Variants in RBFOX1 observed in about 807,000 individuals in gnomAD.
RBFOX1 encodes RNA binding fox-1 homolog 1, also known as RNA binding protein fox-1 homolog 1.
Under a neutral mutation model 57.7 loss-of-function variants are expected in RBFOX1, and 8 were observed. The ratio of observed to expected loss-of-function variants is 0.14; its 90% CI spans 0.08 to 0.25. RBFOX1 has a LOEUF of 0.25. RBFOX1 is among the 10% of genes least tolerant of loss of function. RBFOX1 has a pLI of 1.00. For missense variants in RBFOX1, 611 were observed against 548.5 expected (o/e 1.11, Z -1.14); for synonymous variants, 326 against 222.4 (o/e 1.47, Z -4.15).
At chr16:7,681,620 C>T (rs778169824) in intron 14 of RBFOX1, among the ~76,000 whole-genome samples, 25 of 152,048 alleles carry the variant, frequency 1.6e-4, no homozygotes, top group Non-Finnish European at 3.2e-4. Flanking sequence ...AGTATATGAG[C>T]ATCCTGAATA....
intron 3 of RBFOX1, among the ~76,000 whole-genome samples, chr16:5,828,652 T>C (rs1165309856): frequency 2.6e-5 from 4 of 151,730 alleles, no homozygotes; most frequent in Non-Finnish European, 5.9e-5. Flanking sequence ...TGAGCCGAGA[T>C]CATGCTACTG....
intron 2 of RBFOX1, among the ~76,000 whole-genome samples, chr16:5,589,945 G>T (rs1194460526): frequency 6.6e-6 from 1 of 152,086 alleles, no homozygotes; most frequent in African/African-American, 2.4e-5. Context: ...TGGTACCAGG[G>T]TCTCCCCTGT....
At chr16:6,747,147 C>T (rs1285488135) in intron 3 of RBFOX1, among the ~76,000 whole-genome samples, 1 of 152,150 alleles carries the variant, frequency 6.6e-6, no homozygotes, top group Non-Finnish European at 1.5e-5. Flanking sequence ...CAGTGGCTCA[C>T]GCCTATAATC....
chr16:5,845,419 C>T (rs564621175), intron 3 of RBFOX1, among the ~76,000 whole-genome samples: 4 of 152,262 alleles, frequency 2.6e-5, no homozygotes, highest in African/African-American at 4.8e-5. Flanking sequence ...TATTGGTCTC[C>T]AGCCTTTCTT....
At position 6,665,895 on chromosome 16, in the gene RBFOX1, C is replaced by A. The variant is rs923402843; in HGVS notation, c.-16+11245C>A. 4.6e-5 allele frequency among the ~76,000 whole-genome samples: 7 copies of A among 151,948 alleles called. 1 individual carries two copies. The highest frequency in any genetic ancestry group is 3.9e-4 in the Admixed American group (6 of 15,272). ...TGATATGGTTTGACCACGTCCCCAC[C>A]CAAATCTCATCTTGAATTGGAGCTC... On this transcript the variant is annotated intron_variant, in intron 3 of 15. Transcript: ENST00000550418.
At chr16:5,479,061 C>G (rs987198003) in intron 2 of RBFOX1, among the ~76,000 whole-genome samples, 1 of 152,148 alleles carries the variant, frequency 6.6e-6, no homozygotes, top group Non-Finnish European at 1.5e-5. Context: ...CCATCTGTTC[C>G]CTTCCAGGAC....
chr16:7,049,004 C>G (rs1219660449), intron 3 of RBFOX1, among the ~76,000 whole-genome samples: 1 of 152,048 alleles, frequency 6.6e-6, no homozygotes, highest in Admixed American at 6.6e-5. Flanking sequence ...GTAGTCTATT[C>G]CTTAGTTCAA....
intron 1 of RBFOX1, among the ~76,000 whole-genome samples, chr16:6,257,234 G>A (rs1483377078): frequency 2.6e-5 from 4 of 152,162 alleles, no homozygotes; most frequent in African/African-American, 7.2e-5. Flanking sequence ...AGCCCTGCAT[G>A]TGCTAGCTAT....
chr16:5,974,812 C>G (rs577501183), intron 4 of RBFOX1, among the ~76,000 whole-genome samples: 1 of 152,024 alleles, frequency 6.6e-6, no homozygotes. Context: ...AGTTCCAGAC[C>G]AGCCTGACCA....
chr16:5,917,983 C>A (rs1254771305), intron 4 of RBFOX1, among the ~76,000 whole-genome samples: 2 of 152,164 alleles, frequency 1.3e-5, no homozygotes, highest in African/African-American at 4.8e-5. Flanking sequence ...ATGCTCTCCC[C>A]ACCTCTCAGA....
At chr16:5,833,972 A>C (rs2056369320) in intron 3 of RBFOX1, among the ~76,000 whole-genome samples, 1 of 152,180 alleles carries the variant, frequency 6.6e-6, no homozygotes, top group Non-Finnish European at 1.5e-5. Flanking sequence ...CCTAAAACTT[A>C]ATTGACCTGA....
intron 1 of RBFOX1, among the ~76,000 whole-genome samples, chr16:6,178,697 C>G (rs1369504312): frequency 1.3e-5 from 2 of 152,072 alleles, no homozygotes; most frequent in East Asian, 3.9e-4. Flanking sequence ...TCTAGTCTAC[C>G]TTCTCATCTC....
intron 4 of RBFOX1, among the ~76,000 whole-genome samples, chr16:7,096,261 C>G (rs1387360821): frequency 6.6e-6 from 1 of 152,074 alleles, no homozygotes; most frequent in Non-Finnish European, 1.5e-5. Context: ...AGTGGAGACT[C>G]AAAGGGGATA....
intron 10 of RBFOX1, among the ~76,000 whole-genome samples, chr16:7,618,896 G>T (rs2141925956): frequency 6.6e-6 from 1 of 152,208 alleles, no homozygotes; most frequent in South Asian, 2.1e-4. Context: ...CGACATATTG[G>T]TTTATGAAAA....
intron 2 of RBFOX1, among the ~76,000 whole-genome samples, chr16:6,326,625 A>G (rs1276341932): frequency 6.6e-6 from 1 of 152,306 alleles, no homozygotes; most frequent in South Asian, 2.1e-4. Context: ...AGACTCTCCC[A>G]CCAAGTCCAT....
chr16:6,738,024 G>A (rs11646988), intron 3 of RBFOX1, among the ~76,000 whole-genome samples: 39,600 of 149,262 alleles, frequency 0.27, 5,936 homozygotes, highest in Non-Finnish European at 0.35. Context: ...ATGTGTGTCT[G>A]CAACAGAAAA....
chr16:7,207,379 C>T (rs1054530266), intron 4 of RBFOX1, among the ~76,000 whole-genome samples: 1 of 152,106 alleles, frequency 6.6e-6, no homozygotes, highest in Non-Finnish European at 1.5e-5. Context: ...ATCTTTATTT[C>T]TCTCTCCGTT....
intron 1 of RBFOX1, among the ~76,000 whole-genome samples, chr16:6,041,557 C>G (rs541371759): frequency 7.0e-4 from 107 of 152,212 alleles, no homozygotes; most frequent in African/African-American, 2.4e-3. Flanking sequence ...GAGGAAACTC[C>G]TCATCCGTAT....
At chr16:6,319,102 A>C (rs2081452475) in intron 2 of RBFOX1, among the ~76,000 whole-genome samples, 1 of 152,066 alleles carries the variant, frequency 6.6e-6, no homozygotes, top group Non-Finnish European at 1.5e-5. Context: ...TGTTGGATGC[A>C]TGCTGGTTGA....
Sources: allele counts gnomAD v4.1 joint callset (sites outside exome capture counted in the v4.1 genomes callset), GRCh38; gene constraint gnomAD v4.1.1; transcripts MANE v1.5; gene names NCBI Gene and HGNC (gene_info 2026-07-23, HGNC 2026-07-21).